Variants in NTRK2 observed in about 807,000 individuals in gnomAD.
The protein encoded by NTRK2 is neurotrophic receptor tyrosine kinase 2.
A neutral mutation model predicts 94.5 loss-of-function variants in NTRK2; 13 were observed. The ratio of observed to expected loss-of-function variants is 0.14; its 90% confidence interval spans 0.09 to 0.22. The LOEUF (loss-of-function observed/expected upper bound fraction) is 0.22. NTRK2 is among the 10% of genes least tolerant of loss of function. The pLI is 1.00. For synonymous variants in NTRK2, 372 were observed against 407.4 expected (o/e 0.91, Z 1.05); for missense variants, 639 against 1,071.2 (o/e 0.60, Z 5.63).
intron 17 of NTRK2, among the ~76,000 whole-genome samples, chr9:85,001,932 A>G (rs1194970244): frequency 2.0e-5 from 3 of 152,202 alleles, no homozygotes; most frequent in South Asian, 2.1e-4. Flanking sequence ...CTAGTATCCT[A>G]TTATGGAGCA....
At chr9:84,951,372 T>C (rs2078777249) in intron 16 of NTRK2, among the ~76,000 whole-genome samples, 1 of 152,224 alleles carries the variant, frequency 6.6e-6, no homozygotes, top group African/African-American at 2.4e-5. Context: ...CTGAATGTGG[T>C]TGAGGTCTGG....
intron 12 of NTRK2, chr9:84,815,449 G>A: frequency 9.6e-7 from 1 of 1,039,458 alleles, no homozygotes; most frequent in Non-Finnish European, 1.2e-6. Context: ...AAATCCTTGA[G>A]TTTCACGCAC....
chr9:84,989,761 T>C (rs538764559), intron 17 of NTRK2, among the ~76,000 whole-genome samples: 2 of 152,104 alleles, frequency 1.3e-5, no homozygotes, highest in African/African-American at 4.8e-5. Context: ...AAGCCATTGC[T>C]TTGAAAATGT....
intron 17 of NTRK2, among the ~76,000 whole-genome samples, chr9:85,013,046 A>G (rs148173426): frequency 2.4e-3 from 363 of 152,292 alleles, no homozygotes; most frequent in African/African-American, 8.4e-3. Context: ...GCAATAATCC[A>G]TTTCCAGGGC....
intron 14 of NTRK2, chr9:84,874,929 T>C: frequency 9.5e-7 from 1 of 1,055,932 alleles, no homozygotes. Context: ...TAAGATAGGA[T>C]TGTCTTCCTC....
intron 17 of NTRK2, among the ~76,000 whole-genome samples, chr9:84,960,987 T>C (rs1189621226): frequency 1.3e-5 from 2 of 152,198 alleles, no homozygotes; most frequent in Non-Finnish European, 2.9e-5. Flanking sequence ...AGATTTGTAT[T>C]TGGGTCTGGC....
intron 12 of NTRK2, among the ~76,000 whole-genome samples, chr9:84,754,963 C>G (rs1233329785): frequency 6.6e-6 from 1 of 152,116 alleles, no homozygotes; most frequent in African/African-American, 2.4e-5. Context: ...ATATGAAGGG[C>G]CCAGAGAAAC....
intron 14 of NTRK2, among the ~76,000 whole-genome samples, chr9:84,909,284 A>ATGGTATAAATGTATCACAGTT (rs1349963715): frequency 6.6e-6 from 1 of 152,190 alleles, no homozygotes; most frequent in Non-Finnish European, 1.5e-5. Context: ...GTCGTATTCC[A>ATGGTATAAATGTATCACAGTT]TGGTATAAAT....
chr9:84,922,834 G>A (rs1587939741), intron 14 of NTRK2, among the ~76,000 whole-genome samples: 1 of 152,214 alleles, frequency 6.6e-6, no homozygotes, highest in African/African-American at 2.4e-5. Context: ...AAATGAAGGA[G>A]TGGGGGAAAG....
intron 17 of NTRK2, among the ~76,000 whole-genome samples, chr9:84,956,573 G>A (rs1205332830): frequency 6.6e-6 from 1 of 152,154 alleles, no homozygotes; most frequent in Admixed American, 6.5e-5. Context: ...AGGAAGGAAG[G>A]GAATAAATGT....
intron 2 of NTRK2, among the ~76,000 whole-genome samples, chr9:84,671,594 A>G: frequency 6.6e-6 from 1 of 152,228 alleles, no homozygotes; most frequent in East Asian, 1.9e-4. Flanking sequence ...GAAGCCTAAA[A>G]GCCTGGTCTA....
intron 14 of NTRK2, among the ~76,000 whole-genome samples, chr9:84,894,182 A>AGGG (rs2076687878): frequency 4.5e-4 from 2 of 4,410 alleles, no homozygotes; most frequent in African/African-American, 4.3e-3. Flanking sequence ...ATATTTTTAT[A>AGGG]ACACATTGAA....
chr9:84,820,803 G>A (rs1185000960), intron 12 of NTRK2, among the ~76,000 whole-genome samples: 3 of 152,168 alleles, frequency 2.0e-5, no homozygotes, highest in Non-Finnish European at 4.4e-5. Context: ...TTGGCCTTAT[G>A]GGCTATGGCC....
chr9:84,847,657 C>A (rs970404623), intron 12 of NTRK2, among the ~76,000 whole-genome samples: 1 of 152,266 alleles, frequency 6.6e-6, no homozygotes, highest in Admixed American at 6.5e-5. Context: ...ATCAGGCCAG[C>A]TTTATGGTCA....
At chr9:84,975,793 C>CACAATACAAT (rs139678037) in intron 17 of NTRK2, among the ~76,000 whole-genome samples, 6 of 151,940 alleles carry the variant, frequency 3.9e-5, no homozygotes, top group South Asian at 2.1e-4. Context: ...ATTGTATTCA[C>CACAATACAAT]ACAATACAAT....
At chr9:84,991,062 C>T (rs1828998219) in intron 17 of NTRK2, among the ~76,000 whole-genome samples, 1 of 152,172 alleles carries the variant, frequency 6.6e-6, no homozygotes, top group Admixed American at 6.5e-5. Flanking sequence ...GGCCAGCAAG[C>T]ATACCTGGAT....
At chr9:85,010,485 C>T (rs1430201680) in intron 17 of NTRK2, among the ~76,000 whole-genome samples, 4 of 152,168 alleles carry the variant, frequency 2.6e-5, no homozygotes, top group Admixed American at 2.6e-4. Flanking sequence ...AAAAAGGCAG[C>T]TTAAAGAAAT....
intron 12 of NTRK2, among the ~76,000 whole-genome samples, chr9:84,754,414 C>T (rs887745511): frequency 5.3e-5 from 8 of 151,772 alleles, no homozygotes; most frequent in African/African-American, 7.3e-5. Context: ...AGTCAGATGT[C>T]GAGTTGATAA....
chr9:84,882,719 T>TGCGCGCGCGCGCGCGC (rs1554762159), intron 14 of NTRK2, among the ~76,000 whole-genome samples: 153 of 145,708 alleles, frequency 1.1e-3, no homozygotes, highest in Admixed American at 1.4e-3. Context: ...TGTGTGTGTG[T>TGCGCGCGCGCGCGCGC]GCGCGCGCGC....
Sources: gnomAD v4.1 joint callset for allele counts (sites outside exome capture counted in the v4.1 genomes callset) on GRCh38, gnomAD v4.1.1 for gene constraint, MANE v1.5 for transcripts, NCBI Gene and HGNC (gene_info 2026-07-23, HGNC 2026-07-21) for gene names.